The following EPHA6 variants were observed in gnomAD, a reference collection of about 807,000 sequenced individuals.
The protein encoded by EPHA6 is ephrin type-A receptor 6.
A neutral mutation model predicts 112.0 loss-of-function variants in EPHA6; 50 were observed. The ratio of observed to expected loss-of-function variants is 0.45; its 90% CI spans 0.36 to 0.56. The LOEUF is 0.56. Among genes scored for constraint, EPHA6 ranks in the 20% least tolerant of loss-of-function variants. The pLI, the probability that EPHA6 is intolerant of heterozygous loss-of-function variation, is 0.00. For synonymous variants in EPHA6, 529 were observed against 490.7 expected (o/e 1.08, Z -1.03); for missense variants, 1,280 against 1,417.4 (o/e 0.90, Z 1.56).
In EPHA6 at chr3:97,530,030, GT is replaced by G. The variant is rs1560104516; in HGVS notation, c.2201-2323del. ...GATTATGGGCTCCTGGTGGGTGAGG[GT>G]TTTTAAAATATTACTGGATTTTTAT... On this transcript the variant is annotated intron_variant, in intron 10 of 17. Coordinates refer to ENST00000389672, the MANE Select transcript of EPHA6 (RefSeq NM_001080448.3). 3.3e-5 allele frequency among the ~76,000 whole-genome samples: 5 copies of G among 152,040 alleles called. No individual in the cohort carries two copies. The East Asian group carries it at 9.6e-4, about 29-fold the overall frequency.
intron 2 of EPHA6, among the ~76,000 whole-genome samples, chr3:96,911,849 A>G (rs1576009708): frequency 6.6e-6 from 1 of 152,056 alleles, no homozygotes; most frequent in African/African-American, 2.4e-5. Context: ...CTATTTCAGT[A>G]TATGTATTTA....
intron 3 of EPHA6, among the ~76,000 whole-genome samples, chr3:97,190,371 C>G (rs1399502855): frequency 6.6e-6 from 1 of 152,010 alleles, no homozygotes; most frequent in East Asian, 1.9e-4. Flanking sequence ...AATGAATGAC[C>G]TATGAGAAGC....
At chr3:97,649,695 C>A (rs533909645) in intron 14 of EPHA6, among the ~76,000 whole-genome samples, 93 of 151,892 alleles carry the variant, frequency 6.1e-4, no homozygotes, top group African/African-American at 2.2e-3. Flanking sequence ...AAAATCCAAG[C>A]TGGATAAACC....
Position 97,592,717 on chromosome 3 carries a change from T to C in EPHA6, c.2492T>C (p.Leu831Ser). ...CATCCAGTGCCAGGGGGAGGATCTT[T>C]GCCCCCCAGGATTCCTGCTGGTAGG... ...APHPVPGGGS[L>S]PPRIPAGRPV... The change falls in exon 12 of 18, where the codon TTG becomes TCG. Residue 831 changes from leucine to serine, a missense_variant. Coordinates refer to ENST00000389672, the MANE Select transcript of EPHA6 (RefSeq NM_001080448.3). 6.2e-7 allele frequency: 1 copy of C among 1,601,142 alleles called. No homozygotes were observed. Among genetic ancestry groups the C allele is most frequent in the Non-Finnish European group, 8.5e-7 (1 of 1,175,968 alleles).
At chr3:96,903,386 C>G (rs1007202474) in intron 2 of EPHA6, among the ~76,000 whole-genome samples, 1 of 152,088 alleles carries the variant, frequency 6.6e-6, no homozygotes, top group Non-Finnish European at 1.5e-5. Flanking sequence ...GATCAGGGTT[C>G]ATATGTTATA....
At chr3:97,358,903 A>AT (rs2084220898) in intron 5 of EPHA6, among the ~76,000 whole-genome samples, 1 of 152,092 alleles carries the variant, frequency 6.6e-6, no homozygotes, top group Non-Finnish European at 1.5e-5. Flanking sequence ...AAAGTTTCTG[A>AT]TTAGTAACCT....
chr3:97,736,593 C>T (rs2035273769), intron 16 of EPHA6, among the ~76,000 whole-genome samples: 1 of 151,384 alleles, frequency 6.6e-6, no homozygotes, highest in Non-Finnish European at 1.5e-5. Flanking sequence ...ATTTGTGAAT[C>T]AGCCCAGAGG....
In EPHA6 at chr3:97,531,894, G is replaced by C. The variant is rs149468066; in HGVS notation, c.2201-464G>C. Reference sequence around the variant, plus strand: ...TTTTCAATACGTTCATACATCAATTGACCCTAACATTAATTTCTAACTGTC... The same window carrying C: ...TTTTCAATACGTTCATACATCAATTCACCCTAACATTAATTTCTAACTGTC... On this transcript the variant is annotated intron_variant, in intron 10 of 17. Transcript: ENST00000389672. Among the ~76,000 whole-genome samples, 892 of 151,994 alleles carry C rather than the reference G, an allele frequency of 5.9e-3. 9 individuals carry two copies. The highest frequency in any genetic ancestry group is 0.02 in the African/African-American group (842 of 41,476).
intron 11 of EPHA6, among the ~76,000 whole-genome samples, chr3:97,541,303 A>C (rs2092846279): frequency 6.6e-6 from 1 of 152,286 alleles, no homozygotes; most frequent in East Asian, 1.9e-4. Context: ...AAAGTTGTAA[A>C]AATATTACAG....
At chr3:97,657,442 A>G (rs184429158) in intron 14 of EPHA6, among the ~76,000 whole-genome samples, 59 of 151,984 alleles carry the variant, frequency 3.9e-4, no homozygotes, top group Non-Finnish European at 7.5e-4. Flanking sequence ...CAGTAGCCCA[A>G]TATGGATATG....
intron 6 of EPHA6, among the ~76,000 whole-genome samples, chr3:97,424,902 G>A (rs993171343): frequency 3.3e-5 from 5 of 151,820 alleles, no homozygotes; most frequent in Non-Finnish European, 7.4e-5. Flanking sequence ...GGAGAAATTG[G>A]ACAAAATGAA....
rs79194081 is a variant in EPHA6 at position 97,191,165 on chromosome 3, C to T, written c.1115-35099C>T. On this transcript the variant is annotated intron_variant, in intron 3 of 17. Coordinates refer to ENST00000389672, the MANE Select transcript of EPHA6 (RefSeq NM_001080448.3). ...GAGACAAATAAACCCTTCAGTGAAA[C>T]GGCACCATATTTTTTATTTTCATGG... is the stretch of plus-strand genomic sequence containing the variant. Among the ~76,000 whole-genome samples, 483 of 152,024 alleles carry T rather than the reference C, an allele frequency of 3.2e-3. 3 individuals are homozygous for T. The highest frequency in any genetic ancestry group is 0.011 in the African/African-American group (436 of 41,488).
chr3:97,014,404 C>T (rs566066538), intron 3 of EPHA6, among the ~76,000 whole-genome samples: 6 of 151,034 alleles, frequency 4.0e-5, no homozygotes, highest in Admixed American at 4.0e-4. Flanking sequence ...TCTCTCCCTT[C>T]ACCTCCTTCC....
At position 97,619,636 on chromosome 3, in the gene EPHA6, T is replaced by C. The variant is rs889009273; in HGVS notation, c.2574+8782T>C. On this transcript the variant is annotated intron_variant, in intron 13 of 17. Transcript: ENST00000389672. The stretch of plus-strand genomic sequence containing the variant: ...TATACACCAACAACAGTCAGGCCAA[T>C]AGCCAAATCACAAAGGAACCAAATT... 4.0e-5 allele frequency among the ~76,000 whole-genome samples: 6 copies of C among 151,726 alleles called. No individual in the cohort carries two copies. The East Asian group carries it at 1.2e-3, about 29-fold the overall frequency.
chr3:97,058,359 G>A (rs968246674), intron 3 of EPHA6, among the ~76,000 whole-genome samples: 6 of 151,870 alleles, frequency 4.0e-5, no homozygotes, highest in Non-Finnish European at 7.4e-5. Flanking sequence ...GTACAACGGC[G>A]TGATCTCAGC....
intron 5 of EPHA6, among the ~76,000 whole-genome samples, chr3:97,314,701 AG>A: frequency 6.6e-6 from 1 of 151,748 alleles, no homozygotes; most frequent in Non-Finnish European, 1.5e-5. Flanking sequence ...ATTAAGTAGA[AG>A]AAAGAAATCA....
chr3:97,670,234 T>G, intron 14 of EPHA6, among the ~76,000 whole-genome samples: 1 of 152,116 alleles, frequency 6.6e-6, no homozygotes, highest in South Asian at 2.1e-4. Flanking sequence ...ACACCATAAA[T>G]ACAGCTAGAT....
In EPHA6 at chr3:97,055,886, T is replaced by A. The variant is rs138490416; in HGVS notation, c.1114+67893T>A. On this transcript the variant is annotated intron_variant, in intron 3 of 17. Transcript: ENST00000389672. ...AGCATAGGCACTTTAGAAACTCAAT[T>A]TTGCATTTTTAACTTGGGAAGATTT... 2.0e-5 allele frequency among the ~76,000 whole-genome samples: 3 copies of A among 152,212 alleles called. No individual in the cohort carries two copies. The East Asian group carries it at 5.8e-4, about 29-fold the overall frequency.
At chr3:96,862,141 A>G (rs1029083460) in intron 1 of EPHA6, among the ~76,000 whole-genome samples, 2 of 151,730 alleles carry the variant, frequency 1.3e-5, no homozygotes, top group African/African-American at 4.9e-5. Flanking sequence ...AATGTAACGT[A>G]TAAAGATACA....
Sources: gnomAD v4.1 joint callset for allele counts (sites outside exome capture counted in the v4.1 genomes callset) on GRCh38, gnomAD v4.1.1 for gene constraint, MANE v1.5 for transcripts, NCBI Gene and HGNC (gene_info 2026-07-23, HGNC 2026-07-21) for gene names.